ST6GALNAC3: variants seen among roughly 807,000 people sequenced by gnomAD.
The protein encoded by ST6GALNAC3 is alpha-N-acetylgalactosaminide alpha-2,6-sialyltransferase 3.
A neutral mutation model predicts 32.7 loss-of-function variants in ST6GALNAC3; 25 were observed. The ratio of observed to expected loss-of-function variants is 0.76; its 90% CI spans 0.56 to 1.07. The LOEUF (loss-of-function observed/expected upper bound fraction) is 1.07, where lower values mean the gene tolerates loss of function less well. Ranked by LOEUF, ST6GALNAC3 falls within the 50% of genes least tolerant of loss-of-function variation. The pLI is 0.00. For synonymous variants in ST6GALNAC3, 129 were observed against 133.1 expected (o/e 0.97, Z 0.21); for missense variants, 355 against 382.4 (o/e 0.93, Z 0.60).
At chr1:76,217,154 T>G (rs1655512848) in intron 1 of ST6GALNAC3, among the ~76,000 whole-genome samples, 1 of 152,232 alleles carries the variant, frequency 6.6e-6, no homozygotes, top group African/African-American at 2.4e-5. Flanking sequence ...CTTAAACCTC[T>G]TTCTACTTCA....
At chr1:76,266,444 T>C (rs981643905) in intron 1 of ST6GALNAC3, among the ~76,000 whole-genome samples, 2 of 152,234 alleles carry the variant, frequency 1.3e-5, no homozygotes, top group African/African-American at 4.8e-5. Context: ...CTTTATTTTA[T>C]TGGGACCAGA....
chr1:76,452,700 T>G (rs1657496682), intron 3 of ST6GALNAC3, among the ~76,000 whole-genome samples: 1 of 152,230 alleles, frequency 6.6e-6, no homozygotes, highest in South Asian at 2.1e-4. Flanking sequence ...TTATGGATAT[T>G]TGCACCTATG....
chr1:76,624,868 C>G (rs1042936594), intron 3 of ST6GALNAC3, among the ~76,000 whole-genome samples: 1 of 151,826 alleles, frequency 6.6e-6, no homozygotes, highest in Non-Finnish European at 1.5e-5. Flanking sequence ...AGTGTCATGC[C>G]CATCACACAA....
chr1:76,240,626 C>T (rs984926342), intron 1 of ST6GALNAC3, among the ~76,000 whole-genome samples: 3 of 152,136 alleles, frequency 2.0e-5, no homozygotes, highest in Non-Finnish European at 2.9e-5. Context: ...TGGGGATGCC[C>T]GGAGCAATCT....
At chr1:76,233,642 C>T (rs1656489744) in intron 1 of ST6GALNAC3, among the ~76,000 whole-genome samples, 1 of 152,192 alleles carries the variant, frequency 6.6e-6, no homozygotes, top group Non-Finnish European at 1.5e-5. Flanking sequence ...TTTTGAGTAG[C>T]ATCCTCATTG....
chr1:76,215,578 A>G (rs924236273), intron 1 of ST6GALNAC3, among the ~76,000 whole-genome samples: 3 of 152,224 alleles, frequency 2.0e-5, no homozygotes, highest in African/African-American at 7.2e-5. Context: ...CTCCACTTTT[A>G]CGTAGTCTAT....
intron 1 of ST6GALNAC3, among the ~76,000 whole-genome samples, chr1:76,258,723 A>G (rs1407264980): frequency 3.3e-5 from 5 of 152,278 alleles, no homozygotes; most frequent in Non-Finnish European, 7.4e-5. Context: ...GCAGCCCTCA[A>G]GGGGTTTGCA....
intron 3 of ST6GALNAC3, among the ~76,000 whole-genome samples, chr1:76,462,910 A>G (rs900207125): frequency 2.6e-5 from 4 of 152,002 alleles, no homozygotes; most frequent in African/African-American, 9.7e-5. Context: ...GCTGTGTACC[A>G]GATTGTACTC....
At chr1:76,606,627 T>C (rs2100651320) in intron 3 of ST6GALNAC3, among the ~76,000 whole-genome samples, 1 of 151,902 alleles carries the variant, frequency 6.6e-6, no homozygotes, top group South Asian at 2.1e-4. Context: ...GCTTAATACC[T>C]AGGTGATGGG....
intron 1 of ST6GALNAC3, among the ~76,000 whole-genome samples, chr1:76,198,123 G>A (rs1189415758): frequency 6.6e-6 from 1 of 152,146 alleles, no homozygotes; most frequent in Non-Finnish European, 1.5e-5. Context: ...CTGCAGCCTT[G>A]ACTTCCCAGG....
rs374638089 is a variant in ST6GALNAC3, at chr1:76,479,719, T to C, written c.623+67302T>C. Among the ~76,000 whole-genome samples the C allele has an allele frequency of 9.1e-4, 138 of 152,274 alleles. 1 individual carries two copies. Among genetic ancestry groups the C allele is most frequent in the Middle Eastern group, 3.4e-3 (1 of 294 alleles). ...TACTGCCCCTTAAAGGTCTCACCTC[T>C]CATCCCTGTTGCATTGAGGATTAAG... On this transcript the variant is annotated intron_variant, in intron 3 of 4. Coordinates refer to ENST00000328299, the MANE Select transcript of ST6GALNAC3 (RefSeq NM_152996.4).
At chr1:76,080,836 C>T (rs887354911) in intron 1 of ST6GALNAC3, among the ~76,000 whole-genome samples, 1 of 152,168 alleles carries the variant, frequency 6.6e-6, no homozygotes, top group African/African-American at 2.4e-5. Context: ...TTTAATAAAT[C>T]TGCTATGACA....
chr1:76,364,594 T>C (rs1329665118), intron 2 of ST6GALNAC3, among the ~76,000 whole-genome samples: 2 of 151,720 alleles, frequency 1.3e-5, no homozygotes, highest in East Asian at 3.9e-4. Context: ...TTCTTCAAAA[T>C]TCAATATTTT....
chr1:76,531,454 A>G (rs550020736), intron 3 of ST6GALNAC3, among the ~76,000 whole-genome samples: 26 of 152,294 alleles, frequency 1.7e-4, no homozygotes, highest in African/African-American at 6.3e-4. Context: ...TTCCATAATA[A>G]CATGTTTGCT....
At chr1:76,252,189 C>A (rs994675031) in intron 1 of ST6GALNAC3, among the ~76,000 whole-genome samples, 3 of 152,056 alleles carry the variant, frequency 2.0e-5, no homozygotes, top group Non-Finnish European at 4.4e-5. Flanking sequence ...ATACGATGTT[C>A]GTTTGGATGG....
chr1:76,119,029 G>A (rs961982983), intron 1 of ST6GALNAC3, among the ~76,000 whole-genome samples: 1 of 152,152 alleles, frequency 6.6e-6, no homozygotes, highest in African/African-American at 2.4e-5. Context: ...CACCATGTTG[G>A]TCAGGCTGGT....
chr1:76,114,825 G>A (rs1454850850), intron 1 of ST6GALNAC3, among the ~76,000 whole-genome samples: 2 of 151,618 alleles, frequency 1.3e-5, no homozygotes, highest in Non-Finnish European at 2.9e-5. Context: ...AGGCTGAGGC[G>A]GGAGAATCGC....
chr1:76,343,025 T>A (rs1387458760), intron 2 of ST6GALNAC3, among the ~76,000 whole-genome samples: 1 of 152,128 alleles, frequency 6.6e-6, no homozygotes, highest in African/African-American at 2.4e-5. Flanking sequence ...TTGTAGGTCG[T>A]CTGTTTACTC....
chr1:76,392,391 A>G (rs1652636930), intron 2 of ST6GALNAC3, among the ~76,000 whole-genome samples: 1 of 152,234 alleles, frequency 6.6e-6, no homozygotes, highest in Non-Finnish European at 1.5e-5. Context: ...GAAAGTAAAC[A>G]TCTTCCTTTG....
Sources: allele counts gnomAD v4.1 joint callset (sites outside exome capture counted in the v4.1 genomes callset), GRCh38; gene constraint gnomAD v4.1.1; transcripts MANE v1.5; gene names NCBI Gene and HGNC (gene_info 2026-07-23, HGNC 2026-07-21).